The following SPON1 variants were observed in gnomAD, a reference collection of about 807,000 sequenced individuals.
SPON1 encodes spondin 1, also known as spondin-1.
SPON1 carries 52 observed loss-of-function variants against 111.7 expected under a neutral mutation model. The ratio of observed to expected loss-of-function variants is 0.47; its 90% CI spans 0.37 to 0.59. The LOEUF is 0.59. Among genes scored for constraint, SPON1 ranks in the 20% least tolerant of loss-of-function variants. The probability of loss-of-function intolerance (pLI) is 0.00; values close to 1 mark genes in which losing one functional copy is unlikely to be tolerated. For synonymous variants in SPON1, 410 were observed against 395.8 expected (o/e 1.04, Z -0.43); for missense variants, 957 against 1,068.5 (o/e 0.90, Z 1.46).
intron 6 of SPON1, among the ~76,000 whole-genome samples, chr11:14,204,851 AT>A (rs1253699970): frequency 1.3e-5 from 2 of 151,168 alleles, no homozygotes; most frequent in Non-Finnish European, 1.5e-5. Context: ...CCCCCGGCTA[AT>A]TTTTTTTGTA....
chr11:14,095,504 C>T (rs868957885), intron 5 of SPON1, among the ~76,000 whole-genome samples: 5 of 151,928 alleles, frequency 3.3e-5, no homozygotes, highest in African/African-American at 4.8e-5. Context: ...TGAGAAGTTC[C>T]ACAATCTGCC....
intron 6 of SPON1, among the ~76,000 whole-genome samples, chr11:14,198,258 A>C (rs558147826): frequency 6.6e-6 from 1 of 152,230 alleles, no homozygotes; most frequent in Non-Finnish European, 1.5e-5. Flanking sequence ...GTTCTTAGAC[A>C]TACTCAAGTT....
intron 6 of SPON1, among the ~76,000 whole-genome samples, chr11:14,192,246 G>GATATATATATATAT (rs35202633): frequency 1.8e-4 from 26 of 144,274 alleles, no homozygotes; most frequent in African/African-American, 6.6e-4. Flanking sequence ...TATCATTAGG[G>GATATATATATATAT]ATATATATAT....
rs1339303004 is a variant in SPON1, at chr11:14,113,312, A to G, written c.677-22108A>G. Among the ~76,000 whole-genome samples, 5 of 152,206 alleles carry G rather than the reference A, an allele frequency of 3.3e-5. No homozygotes were observed. In the East Asian group the frequency reaches 9.6e-4, roughly 29 times the overall value. On this transcript the variant is annotated intron_variant, in intron 5 of 15. Transcript: ENST00000576479. The stretch of plus-strand genomic sequence containing the variant: ...TCCAGGGACAAACCAGCCACCAGCT[A>G]CCACAATGGGCTGCAAGTTTCAGAA...
At chr11:14,145,190 G>A (rs1847703695) in intron 6 of SPON1, among the ~76,000 whole-genome samples, 3 of 152,210 alleles carry the variant, frequency 2.0e-5, no homozygotes, top group South Asian at 4.1e-4. Context: ...ATTACAGTAG[G>A]ACAAGCTGCC....
chr11:14,120,285 G>A (rs1362116339), intron 5 of SPON1, among the ~76,000 whole-genome samples: 3 of 152,104 alleles, frequency 2.0e-5, no homozygotes, highest in Non-Finnish European at 4.4e-5. Context: ...TACTTAAAGA[G>A]CCTCCAACCC....
chr11:14,042,664 G>A (rs1268541012), intron 3 of SPON1, among the ~76,000 whole-genome samples: 4 of 152,014 alleles, frequency 2.6e-5, no homozygotes, highest in South Asian at 2.1e-4. Flanking sequence ...TTAAATCCTC[G>A]AAGGTCTTAT....
chr11:14,251,267 C>T (rs1849050061), intron 7 of SPON1, among the ~76,000 whole-genome samples: 1 of 152,348 alleles, frequency 6.6e-6, no homozygotes, highest in South Asian at 2.1e-4. Flanking sequence ...TTTACTCTAT[C>T]ACCCAAGATA....
chr11:14,014,430 A>G (rs782679851), intron 2 of SPON1, among the ~76,000 whole-genome samples: 1 of 152,348 alleles, frequency 6.6e-6, no homozygotes, highest in Non-Finnish European at 1.5e-5. Flanking sequence ...ATAAACTGTT[A>G]GTGCATCATT....
chr11:14,190,679 C>T (rs1848336724), intron 6 of SPON1, among the ~76,000 whole-genome samples: 1 of 145,002 alleles, frequency 6.9e-6, no homozygotes, highest in African/African-American at 2.6e-5. Context: ...CTTGCTCTGT[C>T]ACCCAGGCTA....
intron 2 of SPON1, among the ~76,000 whole-genome samples, chr11:14,040,122 A>G (rs1457349447): frequency 6.6e-6 from 1 of 152,198 alleles, no homozygotes; most frequent in African/African-American, 2.4e-5. Flanking sequence ...ATATGACTAT[A>G]CCCACAACTT....
intron 5 of SPON1, among the ~76,000 whole-genome samples, chr11:14,087,514 T>C: frequency 6.6e-6 from 1 of 151,868 alleles, no homozygotes; most frequent in Non-Finnish European, 1.5e-5. Context: ...GCGAGACTGT[T>C]TGTTATGATT....
At position 14,075,483 on chromosome 11, in the gene SPON1, C is replaced by G. The variant is rs192014126; in HGVS notation, c.553+65C>G. On this transcript the variant is annotated intron_variant, in intron 4 of 15. Coordinates refer to ENST00000576479, the MANE Select transcript of SPON1 (RefSeq NM_006108.4). ...TGGAAGGCAGCTCCTCCTGCACGAT[C>G]CTCCTGCTGCAAGAATTAAGGCCCC... 2.9e-4 allele frequency: 351 copies of G among 1,198,330 alleles called. 2 individuals are homozygous for G. The African/African-American group carries it at 4.7e-3, about 16-fold the overall frequency. 74.2% of individuals were successfully genotyped at this position (1,198,330 alleles called of 1,614,324 possible).
chr11:14,089,494 C>A (rs1849033031), intron 5 of SPON1, among the ~76,000 whole-genome samples: 1 of 152,196 alleles, frequency 6.6e-6, no homozygotes, highest in Non-Finnish European at 1.5e-5. Flanking sequence ...CTGTTTGCTC[C>A]TTCTTCTGGA....
Position 14,254,547 on chromosome 11 carries a change from G to A in SPON1, c.910G>A (p.Glu304Lys). Residue 304 changes from glutamate (E) to lysine (K), a missense_variant, in exon 8 of 16, where the codon GAA becomes AAA. Physicochemically the swap from Glu to Lys is moderately conservative, Grantham distance 56. This residue lies in a region of SPON1 where 122 missense variants were observed against 143.2 expected (regional missense o/e 0.85). Transcript: ENST00000576479. ...TTCCAGGAGAGCAGCACCTTCAGCT[G>A]AATTTTCCGTGGACAGAACGCGCCA... ...PLNVRAAPSA[E>K]FSVDRTRHLM... 6.2e-7 allele frequency: 1 copy of A among 1,606,966 alleles called. No individual in the cohort carries two copies. Among genetic ancestry groups the A allele is most frequent in the East Asian group, 2.2e-5 (1 of 44,796 alleles).
intron 1 of SPON1, among the ~76,000 whole-genome samples, chr11:13,979,979 G>A (rs1251486911): frequency 2.0e-5 from 3 of 151,524 alleles, no homozygotes; most frequent in African/African-American, 7.3e-5. Flanking sequence ...CATTTTTTTT[G>A]CTTGACACTG....
intron 6 of SPON1, among the ~76,000 whole-genome samples, chr11:14,138,171 C>T (rs1209662529): frequency 6.6e-6 from 1 of 151,966 alleles, no homozygotes. Flanking sequence ...AATAAAAAGC[C>T]CTCTTTTCTC....
intron 5 of SPON1, among the ~76,000 whole-genome samples, chr11:14,125,055 C>A (rs188134732): frequency 2.0e-5 from 3 of 152,288 alleles, no homozygotes; most frequent in Admixed American, 6.5e-5. Flanking sequence ...GGGATGGGAA[C>A]CTGAAAACCA....
chr11:14,257,613 TG>T, intron 10 of SPON1, 102 bp from the exon 11 acceptor site: 1 of 1,148,238 alleles, frequency 8.7e-7, no homozygotes, highest in Non-Finnish European at 1.2e-6. Context: ...GAAGTCAGTC[TG>T]GCAGCATGGC....
Sources: gnomAD v4.1 joint callset for allele counts (sites outside exome capture counted in the v4.1 genomes callset) on GRCh38, gnomAD v4.1.1 for gene constraint, gnomAD v4.1.1 regional missense constraint, MANE v1.5 for transcripts, NCBI Gene and HGNC (gene_info 2026-07-23, HGNC 2026-07-21) for gene names.